The following ARHGAP22 variants were observed in gnomAD, a reference collection of about 807,000 sequenced individuals.
ARHGAP22 encodes the protein Rho GTPase activating protein 22.
In ARHGAP22, 48 loss-of-function variants were observed where a neutral mutation model predicts 59.1. The observed-to-expected ratio is 0.81, with a 90% confidence interval of 0.64 to 1.03. ARHGAP22 has a LOEUF of 1.03. ARHGAP22 is among the 50% of genes least tolerant of loss of function. The pLI is 0.00. For synonymous variants in ARHGAP22, 445 were observed against 416.4 expected (o/e 1.07, Z -0.84); for missense variants, 1,015 against 958.7 (o/e 1.06, Z -0.78).
At chr10:48,450,136 C>T (rs1387883623) in intron 9 of ARHGAP22, 125 bp downstream of exon 9, 28 of 1,358,428 alleles carry the variant, frequency 2.1e-5, no homozygotes, top group South Asian at 1.5e-5. Flanking sequence ...TAGGATTCCC[C>T]TCTCTGAGGC....
At chr10:48,607,862 T>G (rs1289585908), upstream of ARHGAP22, among the ~76,000 whole-genome samples, 1 of 152,212 alleles carries the variant, frequency 6.6e-6, no homozygotes, top group Non-Finnish European at 1.5e-5. Context: ...AGCTGAGCAC[T>G]GAATGGACAG....
At chr10:48,577,801 G>GTTTTTTTTTGTTTTTTTTTT (rs2058828009) in intron 2 of ARHGAP22, among the ~76,000 whole-genome samples, 1 of 59,142 alleles carries the variant, frequency 1.7e-5, no homozygotes, top group Non-Finnish European at 2.9e-5. Flanking sequence ...CTCTTTTTTG[G>GTTTTTTTTTGTTTTTTTTTT]TTTTTTTTTT....
chr10:48,622,277 C>T (rs2061310920), intron 1 of ARHGAP22, among the ~76,000 whole-genome samples: 1 of 151,430 alleles, frequency 6.6e-6, no homozygotes, highest in African/African-American at 2.4e-5. Flanking sequence ...CCTTTTAAGA[C>T]CTTTTTTTCT....
chr10:48,445,887 G>A (rs182586075), downstream of ARHGAP22: 240 of 161,158 alleles, frequency 1.5e-3, 2 homozygotes, highest in Non-Finnish European at 2.9e-3. Context: ...TTGCCCCTTG[G>A]GGGGCTTCAC....
At chr10:48,490,481 T>C (rs1041549002) in intron 3 of ARHGAP22, among the ~76,000 whole-genome samples, 2 of 152,158 alleles carry the variant, frequency 1.3e-5, no homozygotes, top group East Asian at 1.9e-4. Flanking sequence ...TTAAGAAACA[T>C]TGATACGGAA....
At chr10:48,614,407 T>G (rs2061004403) in intron 1 of ARHGAP22, among the ~76,000 whole-genome samples, 1 of 152,162 alleles carries the variant, frequency 6.6e-6, no homozygotes, top group South Asian at 2.1e-4. Flanking sequence ...GACTGGTGAA[T>G]TCCAGTTCCA....
chr10:48,635,192 GT>G (rs1455993464), intron 1 of ARHGAP22, among the ~76,000 whole-genome samples: 2 of 152,104 alleles, frequency 1.3e-5, no homozygotes, highest in Non-Finnish European at 2.9e-5. Flanking sequence ...ACTTCACCTT[GT>G]TTCTGGGCCT....
At chr10:48,649,298 G>A (rs111937528) in intron 1 of ARHGAP22, among the ~76,000 whole-genome samples, 4 of 152,120 alleles carry the variant, frequency 2.6e-5, no homozygotes, top group African/African-American at 9.7e-5. Flanking sequence ...TGCCAGCAGT[G>A]GGGGAGAGAG....
chr10:48,558,138 T>C (rs2057427111), intron 2 of ARHGAP22, among the ~76,000 whole-genome samples: 1 of 152,202 alleles, frequency 6.6e-6, no homozygotes, highest in African/African-American at 2.4e-5. Flanking sequence ...GCCCATTTTA[T>C]GACATCATTG....
chr10:48,529,617 C>G (rs2054632492), intron 3 of ARHGAP22, among the ~76,000 whole-genome samples: 1 of 152,184 alleles, frequency 6.6e-6, no homozygotes, highest in Non-Finnish European at 1.5e-5. Flanking sequence ...GTGAGTGAGG[C>G]TGTCCTGGAA....
chr10:48,475,999 A>G (rs2048687300), intron 4 of ARHGAP22, among the ~76,000 whole-genome samples: 1 of 151,974 alleles, frequency 6.6e-6, no homozygotes, highest in African/African-American at 2.4e-5. Flanking sequence ...CTTCTACTCA[A>G]AAGTCACCAA....
intron 3 of ARHGAP22, among the ~76,000 whole-genome samples, chr10:48,538,843 C>A (rs2055622798): frequency 6.6e-6 from 1 of 152,226 alleles, no homozygotes; most frequent in Admixed American, 6.5e-5. Flanking sequence ...ACACTGGCAT[C>A]TCCACCTACC....
intron 9 of ARHGAP22, among the ~76,000 whole-genome samples, chr10:48,449,733 G>A (rs1474184412): frequency 6.6e-6 from 1 of 152,214 alleles, no homozygotes; most frequent in Non-Finnish European, 1.5e-5. Flanking sequence ...GAGATTGTAA[G>A]CCTCAGGGTG....
chr10:48,606,672 CCT>C (rs2060688609), upstream of ARHGAP22, among the ~76,000 whole-genome samples: 1 of 152,186 alleles, frequency 6.6e-6, no homozygotes, highest in African/African-American at 2.4e-5. Flanking sequence ...CTCTCCTGTG[CCT>C]CTGTGTTTTT....
rs551682200 is a variant in ARHGAP22, at chr10:48,581,760, G to A, written c.234+1193C>T. Among the ~76,000 whole-genome samples the A allele has an allele frequency of 1.7e-4, 26 of 152,190 alleles. 1 individual carries two copies. Among genetic ancestry groups the A allele is most frequent in the Admixed American group, 1.4e-3 (21 of 15,286 alleles). On this transcript the variant is annotated intron_variant, in intron 2 of 9. Transcript: ENST00000249601. ...GCTGTGAAACACTTTTGGTTTTAAC[G>A]TCAATATACGGTATTTTAGAAAGGA...
At chr10:48,490,488 G>A (rs938378898) in intron 3 of ARHGAP22, among the ~76,000 whole-genome samples, 2 of 152,086 alleles carry the variant, frequency 1.3e-5, no homozygotes, top group Non-Finnish European at 2.9e-5. Context: ...ACATTGATAC[G>A]GAACAGCCAG....
At chr10:48,453,258 C>T in intron 8 of ARHGAP22, 46 bp downstream of exon 8, 2 of 1,609,890 alleles carry the variant, frequency 1.2e-6, no homozygotes, top group Non-Finnish European at 1.7e-6. Flanking sequence ...AAGATGAGCC[C>T]AGACCCCGGC....
rs1554845541 is a variant in ARHGAP22 at position 48,450,557 on chromosome 10, GC to G, written c.1571del (p.Gly524AlafsTer98). On this transcript the variant is annotated frameshift_variant, in exon 9 of 10. Transcript: ENST00000249601. LOFTEE classifies it high-confidence loss of function. ...GGCAGGCCGTGCAGCTGCTGAGTGA[GC>G]CCCCCACCGACGACTCGCTGGACGA... ...GASSSESSVG[G>X]SLSSCTACRA... is the part of the protein sequence containing the mutation. 2.6e-6 allele frequency: 4 copies of G among 1,525,388 alleles called. No individual in the cohort carries two copies. Among genetic ancestry groups the G allele is most frequent in the Non-Finnish European group, 3.5e-6 (4 of 1,137,030 alleles). 94.5% of individuals were successfully genotyped at this position (1,525,388 alleles called of 1,614,324 possible).
At chr10:48,590,446 T>A (rs1162590834) in intron 1 of ARHGAP22, among the ~76,000 whole-genome samples, 1 of 152,046 alleles carries the variant, frequency 6.6e-6, no homozygotes, top group Admixed American at 6.5e-5. Flanking sequence ...GGAGGTGCCC[T>A]GTAGCAAGAA....
Sources: gnomAD v4.1 joint callset for allele counts (sites outside exome capture counted in the v4.1 genomes callset) on GRCh38, gnomAD v4.1.1 for gene constraint, MANE v1.5 for transcripts, NCBI Gene and HGNC (gene_info 2026-07-23, HGNC 2026-07-21) for gene names.